ZBTB4: variants seen among roughly 807,000 people sequenced by gnomAD.
ZBTB4 encodes the protein zinc finger and BTB domain containing 4.
In ZBTB4, 14 loss-of-function variants were observed where a neutral mutation model predicts 59.8. That is an observed-to-expected ratio of 0.23 (90% CI 0.15 to 0.37). ZBTB4 has a LOEUF of 0.37. Ranked by LOEUF, ZBTB4 falls within the 10% of genes least tolerant of loss-of-function variation. ZBTB4 has a pLI of 1.00. For synonymous variants in ZBTB4, 587 were observed against 575.2 expected (o/e 1.02, Z -0.29); for missense variants, 1,198 against 1,380.8 (o/e 0.87, Z 2.10).
At chr17:7,478,129 G>A (rs2070294643) in intron 1 of ZBTB4, among the ~76,000 whole-genome samples, 2 of 151,972 alleles carry the variant, frequency 1.3e-5, no homozygotes, top group South Asian at 4.2e-4. Context: ...CCCTTGTCAC[G>A]CCACCTCCCT....
chr17:7,471,647 A>G (rs2070198306), intron 1 of ZBTB4, among the ~76,000 whole-genome samples: 1 of 152,210 alleles, frequency 6.6e-6, no homozygotes, highest in African/African-American at 2.4e-5. Context: ...AAGGCCTTAT[A>G]GGAAGTGGAA....
chr17:7,466,884 G>C lies in ZBTB4; in HGVS notation c.-9-74C>G. Reference sequence around the variant, plus strand: ...GGGCAGGGGCTTCTAAAATCAGGCAGAGAGAGGATCAGGAGCTGCTGGTCA... The same window carrying C: ...GGGCAGGGGCTTCTAAAATCAGGCACAGAGAGGATCAGGAGCTGCTGGTCA... On this transcript the variant is annotated intron_variant, in intron 2 of 3. Coordinates refer to ENST00000380599, the MANE Select transcript of ZBTB4 (RefSeq NM_001128833.2). The surrounding 1 kb of genome is among the most constrained non-coding windows in gnomAD (Gnocchi z 9.1). The C allele has an allele frequency of 6.9e-7, 1 of 1,441,512 alleles. No individual in the cohort carries two copies. The highest frequency in any genetic ancestry group is 2.5e-5 in the East Asian group (1 of 40,116). 89.3% of individuals were successfully genotyped at this position (1,441,512 alleles called of 1,614,324 possible).
At chr17:7,480,919 C>T (rs865868006), upstream of ZBTB4, among the ~76,000 whole-genome samples, 48 of 91,916 alleles carry the variant, frequency 5.2e-4, no homozygotes, top group African/African-American at 1.5e-3. Context: ...CTTTGGGAGG[C>T]GGGGGGTGGT....
At chr17:7,467,418 A>T (rs1311712504) in intron 1 of ZBTB4, 91 bp from the exon 2 acceptor site, 1 of 258,738 alleles carries the variant, frequency 3.9e-6, no homozygotes, top group Non-Finnish European at 6.0e-6. Context: ...AGCCCCCAGG[A>T]AGTGGGGAGG....
At chr17:7,470,978 C>T (rs865882177) in intron 1 of ZBTB4, among the ~76,000 whole-genome samples, 69 of 152,168 alleles carry the variant, frequency 4.5e-4, no homozygotes, top group African/African-American at 1.5e-3. Flanking sequence ...GCTTTGCCTC[C>T]AGTCCCCATT....
In ZBTB4 at chr17:7,466,130, G is replaced by A. The variant is rs773632133; in HGVS notation, c.672C>T (p.Asp224=). ...EGDRAEAQAP[D]LQCSLPRRPL... ...GCCGCCGGGGCAGGGAGCACTGCAA[G>A]TCAGGGGCCTGGGCCTCAGCCCTGT... The change falls in exon 3 of 4, where the codon GAC becomes GAT. Residue 224 remains aspartate (D), a synonymous_variant. Transcript: ENST00000380599. This position sits in a 1 kb window ranked among gnomAD's most constrained non-coding sequence, Gnocchi z 9.1. 39 of 1,611,120 alleles carry A rather than the reference G, an allele frequency of 2.4e-5. No homozygotes were observed. The highest frequency in any genetic ancestry group is 3.1e-5 in the Non-Finnish European group (36 of 1,178,854).
In ZBTB4 at chr17:7,461,688, A is replaced by G; in HGVS notation, c.*252T>C. On this transcript the variant is annotated 3_prime_UTR_variant, in exon 4 of 4. Coordinates refer to ENST00000380599, the MANE Select transcript of ZBTB4 (RefSeq NM_001128833.2). The stretch of plus-strand genomic sequence containing the variant: ...GCCCCAAGGGCTGGAGAAGGGATGG[A>G]AGCTGGCCCTGCCCCTCATGGAGGC... The G allele has an allele frequency of 2.5e-6, 1 of 405,324 alleles. No homozygotes were observed. Among genetic ancestry groups the G allele is most frequent in the Non-Finnish European group, 4.4e-6 (1 of 228,146 alleles). The allele number at this position is 405,324 out of a possible 1,614,324, so 25.1% of individuals were successfully genotyped here.
chr17:7,464,066 C>A (rs886660216), intron 3 of ZBTB4, among the ~76,000 whole-genome samples, 176 bp from the exon 4 acceptor site: 1 of 152,224 alleles, frequency 6.6e-6, no homozygotes, highest in Non-Finnish European at 1.5e-5. Flanking sequence ...AGTGCCTCCA[C>A]TGGCTGTGAG....
chr17:7,461,913 G>A lies in ZBTB4; in HGVS notation c.*27C>T. On this transcript the variant is annotated 3_prime_UTR_variant, in exon 4 of 4. Transcript: ENST00000380599. ...GGGGGGTTCAGGGAGGGTGGCATCT[G>A]GTGAAAGGGGGATTGAGCCCCAGGG... 1 of 1,519,828 alleles carries A rather than the reference G, an allele frequency of 6.6e-7. No individual in the cohort carries two copies. The highest frequency in any genetic ancestry group is 1.8e-4 in the Middle Eastern group (1 of 5,578). 94.1% of individuals were successfully genotyped at this position (1,519,828 alleles called of 1,614,324 possible).
At position 7,466,438 on chromosome 17, in the gene ZBTB4, G is replaced by T; in HGVS notation, c.364C>A (p.Pro122Thr). 1 of 1,613,594 alleles carries T rather than the reference G, an allele frequency of 6.2e-7. No individual in the cohort carries two copies. Among genetic ancestry groups the T allele is most frequent in the South Asian group, 1.1e-5 (1 of 90,964 alleles). The change falls in exon 3 of 4, where the codon CCA becomes ACA. Residue 122 changes from proline (P) to threonine (T), a missense_variant. By Grantham distance (38) the Pro-to-Thr change is conservative. This residue lies in a region of ZBTB4 where 83 missense variants were observed against 76.5 expected (regional missense o/e 1.09). Coordinates refer to ENST00000380599, the MANE Select transcript of ZBTB4 (RefSeq NM_001128833.2). This position sits in a 1 kb window ranked among gnomAD's most constrained non-coding sequence, Gnocchi z 9.1. The stretch of plus-strand genomic sequence containing the variant: ...CCTGGCAACTCCAGGACCCGGGGTG[G>T]GGAAGAAGCAGGGGGAGAGGCTGGA... ...PPPASPPASSPPRVLELPGVP... is the reference protein window; with the variant it reads ...PPPASPPASSTPRVLELPGVP...
upstream of ZBTB4, chr17:7,481,312 A>T: frequency 1.3e-6 from 1 of 784,578 alleles, no homozygotes; most frequent in Non-Finnish European, 1.7e-6. Context: ...CCTGGATAAC[A>T]AGAGTGGAAA....
At chr17:7,481,207 G>T, upstream of ZBTB4, 2 of 224,420 alleles carry the variant, frequency 8.9e-6, no homozygotes, top group South Asian at 1.7e-4. Context: ...GCACATTCTT[G>T]TAATCCCAGC....
chr17:7,476,382 A>G (rs2070269755), intron 1 of ZBTB4, among the ~76,000 whole-genome samples: 1 of 152,210 alleles, frequency 6.6e-6, no homozygotes, highest in South Asian at 2.1e-4. Flanking sequence ...GCGTGATGGC[A>G]GATACCCATA....
intron 3 of ZBTB4, among the ~76,000 whole-genome samples, chr17:7,465,475 A>G (rs1484691908): frequency 1.3e-5 from 2 of 152,034 alleles, no homozygotes; most frequent in Admixed American, 6.6e-5. Flanking sequence ...AAAAAAAAAA[A>G]AAAAAGAAAA....
At chr17:7,478,214 AAGAATCCTGTGG>A (rs1306694259) in intron 1 of ZBTB4, among the ~76,000 whole-genome samples, 1 of 152,036 alleles carries the variant, frequency 6.6e-6, no homozygotes, top group Non-Finnish European at 1.5e-5. Flanking sequence ...AACGTCACAA[AAGAATCCTGTGG>A]AGAATGTTGC....
chr17:7,463,206 G>C lies in ZBTB4; in HGVS notation c.1776C>G (p.Pro592=), dbSNP rs370016616. ...GGPPTGAGRG[P]SQLQAPPPLC... The stretch of plus-strand genomic sequence containing the variant: ...GTGGAGGTGGAGCCTGCAGCTGAGA[G>C]GGGCCCCGGCCAGCCCCTGTGGGGG... Residue 592 remains proline (P), a synonymous_variant, in exon 4 of 4, where the codon CCC becomes CCG. Coordinates refer to ENST00000380599, the MANE Select transcript of ZBTB4 (RefSeq NM_001128833.2). 4.4e-6 allele frequency: 7 copies of C among 1,608,820 alleles called. No homozygotes were observed. The highest frequency in any genetic ancestry group is 5.9e-6 in the Non-Finnish European group (7 of 1,179,116).
intron 1 of ZBTB4, among the ~76,000 whole-genome samples, chr17:7,473,793 G>A (rs1046890567): frequency 1.3e-5 from 2 of 152,086 alleles, no homozygotes; most frequent in Admixed American, 6.5e-5. Flanking sequence ...CAAGCAATCC[G>A]CCCAGCTCAG....
rs1206159443 is a variant in ZBTB4, at chr17:7,462,586, A to G, written c.2396T>C (p.Val799Ala). 2 of 1,612,914 alleles carry G rather than the reference A, an allele frequency of 1.2e-6. No homozygotes were observed. The highest frequency in any genetic ancestry group is 1.7e-5 in the Admixed American group (1 of 59,966). Residue 799 changes from valine to alanine, a missense_variant, in exon 4 of 4, where the codon GTC (valine) becomes GCC (alanine). By Grantham distance (64) the Val-to-Ala change is moderately conservative (BLOSUM62 0). This residue lies in a region of ZBTB4 where 550 missense variants were observed against 541.8 expected (regional missense o/e 1.02). Transcript: ENST00000380599. The surrounding 1 kb of genome is among the most constrained non-coding windows in gnomAD (Gnocchi z 7.5). ...AERPGGTPTP[V>A]IAYSKGSAGT... is the part of the protein sequence containing the mutation. The stretch of plus-strand genomic sequence containing the variant: ...AGCGCTGCCCTTGGAATAGGCAATG[A>G]CAGGGGTTGGGGTGCCCCCGGGCCG...
Position 7,461,832 on chromosome 17 carries a change from C to T in ZBTB4, c.*108G>A. 1 of 1,059,444 alleles carries T rather than the reference C, an allele frequency of 9.4e-7. No individual in the cohort carries two copies. Among genetic ancestry groups the T allele is most frequent in the Non-Finnish European group, 1.4e-6 (1 of 733,356 alleles). 65.6% of individuals were successfully genotyped at this position (1,059,444 alleles called of 1,614,324 possible). ...AGCTCCAGGGGCCCCCAAGTCCCTGCACAAGAGTGTGAAGGGGCTCCCAAG... is the reference window on the plus strand; with the variant it reads ...AGCTCCAGGGGCCCCCAAGTCCCTGTACAAGAGTGTGAAGGGGCTCCCAAG... On this transcript the variant is annotated 3_prime_UTR_variant, in exon 4 of 4. Transcript: ENST00000380599.
Sources: gnomAD v4.1 joint callset for allele counts (sites outside exome capture counted in the v4.1 genomes callset) on GRCh38, gnomAD v4.1.1 for gene constraint, gnomAD v4.1.1 regional missense constraint, Gnocchi (gnomAD v3.1) non-coding constraint, MANE v1.5 for transcripts, NCBI Gene and HGNC (gene_info 2026-07-23, HGNC 2026-07-21) for gene names.